Variants in SEMA6A observed in about 807,000 individuals in gnomAD.
The protein encoded by SEMA6A is semaphorin 6A.
Under a neutral mutation model 96.8 loss-of-function variants are expected in SEMA6A, and 25 were observed. That is an observed-to-expected ratio of 0.26 (90% CI 0.19 to 0.36). The LOEUF (loss-of-function observed/expected upper bound fraction) is 0.36, where lower values mean the gene tolerates loss of function less well. Among genes scored for constraint, SEMA6A ranks in the 10% least tolerant of loss-of-function variants. The pLI, the probability that SEMA6A is intolerant of heterozygous loss-of-function variation, is 1.00. For synonymous variants in SEMA6A, 612 were observed against 518.0 expected (o/e 1.18, Z -2.46); for missense variants, 1,363 against 1,323.1 (o/e 1.03, Z -0.47).
chr5:116,454,694 CATA>C (rs1442872457), intron 18 of SEMA6A, among the ~76,000 whole-genome samples: 7 of 152,100 alleles, frequency 4.6e-5, no homozygotes, highest in African/African-American at 1.7e-4. Context: ...TGTCTTACGG[CATA>C]ATGTGAACCA....
At position 116,496,746 on chromosome 5, in the gene SEMA6A, A is replaced by G. The variant is rs960196003; in HGVS notation, c.280-433T>C. On this transcript the variant is annotated intron_variant, in intron 4 of 18. Coordinates refer to ENST00000343348, the MANE Select transcript of SEMA6A (RefSeq NM_020796.5). ...AGTCATTTTCTTAAACATAAAGAGG[A>G]CATTCACTCTAGGTGGACAAAGATT... Among the ~76,000 whole-genome samples the G allele has an allele frequency of 1.2e-4, 18 of 152,216 alleles. 1 individual carries two copies. The highest frequency in any genetic ancestry group is 4.1e-4 in the African/African-American group (17 of 41,454).
intron 1 of SEMA6A, among the ~76,000 whole-genome samples, chr5:116,533,904 C>T (rs1290409031): frequency 6.6e-6 from 1 of 152,150 alleles, no homozygotes; most frequent in Non-Finnish European, 1.5e-5. Flanking sequence ...TCTCCAGCCT[C>T]CACAAGGCAG....
chr5:116,518,967 T>G (rs1758796875), intron 1 of SEMA6A, among the ~76,000 whole-genome samples: 1 of 152,028 alleles, frequency 6.6e-6, no homozygotes, highest in Non-Finnish European at 1.5e-5. Flanking sequence ...ATTTTCCTAC[T>G]GGGTTAACAT....
chr5:116,552,250 A>ATT lies in SEMA6A; in HGVS notation c.-39+21933_-39+21934dup, dbSNP rs11379947. On this transcript the variant is annotated intron_variant, in intron 1 of 18. Coordinates refer to ENST00000343348, the MANE Select transcript of SEMA6A (RefSeq NM_020796.5). ...TTAAAAAAGGATTTTGTAGTCAATC[A>ATT]TTTTTTTTCAGTATGTTTTAGCGTG... Among the ~76,000 whole-genome samples the ATT allele has an allele frequency of 2.9e-4, 44 of 151,934 alleles. No homozygotes were observed. In the East Asian group the frequency reaches 5.6e-3, roughly 19 times the overall value.
intron 1 of SEMA6A, among the ~76,000 whole-genome samples, chr5:116,515,013 A>G (rs1287644841): frequency 6.6e-6 from 1 of 152,246 alleles, no homozygotes; most frequent in African/African-American, 2.4e-5. Context: ...TTGCAGAGGC[A>G]TGTAAGGTGG....
At chr5:116,455,261 T>C (rs1754938629) in intron 18 of SEMA6A, among the ~76,000 whole-genome samples, 1 of 152,188 alleles carries the variant, frequency 6.6e-6, no homozygotes, top group Non-Finnish European at 1.5e-5. Context: ...CACGGGCTGA[T>C]GTCTAGACTA....
At chr5:116,481,239 A>G (rs906275613) in intron 11 of SEMA6A, among the ~76,000 whole-genome samples, 1 of 152,188 alleles carries the variant, frequency 6.6e-6, no homozygotes, top group Non-Finnish European at 1.5e-5. Flanking sequence ...CCATCTTTAC[A>G]TACCAAGGAG....
At chr5:116,509,701 C>T (rs1758320534) in intron 1 of SEMA6A, among the ~76,000 whole-genome samples, 1 of 151,928 alleles carries the variant, frequency 6.6e-6, no homozygotes, top group Admixed American at 6.6e-5. Flanking sequence ...AGGAACATCA[C>T]CTGGAGAGAT....
intron 18 of SEMA6A, among the ~76,000 whole-genome samples, chr5:116,463,327 A>G (rs892785546): frequency 1.3e-5 from 2 of 152,190 alleles, no homozygotes; most frequent in Non-Finnish European, 2.9e-5. Context: ...GGTGCTACTC[A>G]TCTCCCTCGG....
At chr5:116,479,979 A>C (rs1756668577) in intron 12 of SEMA6A, 143 bp downstream of exon 12, 4 of 920,888 alleles carry the variant, frequency 4.3e-6, no homozygotes, top group African/African-American at 1.7e-5. Flanking sequence ...GTATCCAACC[A>C]ATCGGCCACC....
At chr5:116,513,348 A>G (rs1758507794) in intron 1 of SEMA6A, among the ~76,000 whole-genome samples, 1 of 152,012 alleles carries the variant, frequency 6.6e-6, no homozygotes, top group Non-Finnish European at 1.5e-5. Context: ...GCTGGTCTCA[A>G]ACTCCCAACC....
Position 116,447,387 on chromosome 5 carries a change from G to C in SEMA6A, c.2319C>G (p.Gly773=), listed in dbSNP as rs1194846425. The change falls in exon 19 of 19, where the codon GGC becomes GGG. Residue 773 remains glycine (G), a synonymous_variant. Coordinates refer to ENST00000343348, the MANE Select transcript of SEMA6A (RefSeq NM_020796.5). ...TLQQKRKPSR[G]SREWERNQNL... is the part of the protein sequence containing the mutation. The stretch of plus-strand genomic sequence containing the variant: ...TCTGGTTCCTCTCCCACTCGCGGCT[G>C]CCGCGGCTGGGCTTCCGCTTCTGCT... 1 of 1,613,910 alleles carries C rather than the reference G, an allele frequency of 6.2e-7. No homozygotes were observed. The highest frequency in any genetic ancestry group is 8.5e-7 in the Non-Finnish European group (1 of 1,179,910).
At chr5:116,571,567 A>C (rs1182372739) in intron 1 of SEMA6A, among the ~76,000 whole-genome samples, 1 of 152,198 alleles carries the variant, frequency 6.6e-6, no homozygotes, top group African/African-American at 2.4e-5. Context: ...AGAACGTCCC[A>C]AAACCAAAAT....
chr5:116,537,735 A>G (rs1759781149), intron 1 of SEMA6A, among the ~76,000 whole-genome samples: 1 of 152,174 alleles, frequency 6.6e-6, no homozygotes, highest in Non-Finnish European at 1.5e-5. Context: ...AGAAATTTCA[A>G]TACATTTAGA....
At chr5:116,520,759 T>C (rs1452526483) in intron 1 of SEMA6A, among the ~76,000 whole-genome samples, 2 of 152,088 alleles carry the variant, frequency 1.3e-5, no homozygotes, top group Non-Finnish European at 2.9e-5. Flanking sequence ...CTCCAGGAAT[T>C]TAGACGCAGG....
rs550720847 is a variant in SEMA6A, at chr5:116,463,111, C to T, written c.1894+4472G>A. On this transcript the variant is annotated intron_variant, in intron 18 of 18. Coordinates refer to ENST00000343348, the MANE Select transcript of SEMA6A (RefSeq NM_020796.5). ...TTGGAAGACAAAGCCCCAGTGTAAACCCTATTCTCTCTTTGTCAAAAAGAG... is the reference window on the plus strand; with the variant it reads ...TTGGAAGACAAAGCCCCAGTGTAAATCCTATTCTCTCTTTGTCAAAAAGAG... Among the ~76,000 whole-genome samples the T allele has an allele frequency of 2.2e-3, 329 of 152,266 alleles. 4 individuals carry two copies. The highest frequency in any genetic ancestry group is 7.6e-3 in the African/African-American group (317 of 41,554).
intron 1 of SEMA6A, among the ~76,000 whole-genome samples, chr5:116,553,028 G>T (rs571850601): frequency 2.0e-5 from 3 of 152,108 alleles, no homozygotes; most frequent in Non-Finnish European, 4.4e-5. Context: ...GTCACCAAAG[G>T]ACACTTCTCC....
intron 1 of SEMA6A, among the ~76,000 whole-genome samples, chr5:116,512,897 G>T (rs933423990): frequency 6.6e-6 from 1 of 152,146 alleles, no homozygotes; most frequent in African/African-American, 2.4e-5. Context: ...TCTCAACCAG[G>T]CTTACCTGTG....
rs1235392710 is a variant in SEMA6A at position 116,447,609 on chromosome 5, C to T, written c.2097G>A (p.Met699Ile). ...KELTHSRRGS[M>I]SSVTKLSGLF... is the part of the protein sequence containing the mutation. ...GGCCGCTGAGCTTGGTGACGCTGCTCATGGAGCCCCGGCGCGAGTGGGTGA... is the reference window on the plus strand; with the variant it reads ...GGCCGCTGAGCTTGGTGACGCTGCTTATGGAGCCCCGGCGCGAGTGGGTGA... The change falls in exon 19 of 19, where the codon ATG becomes ATA. Residue 699 changes from methionine to isoleucine, a missense_variant. By Grantham distance (10) the Met-to-Ile change is conservative. Transcript: ENST00000343348. The T allele has an allele frequency of 1.2e-6, 2 of 1,614,014 alleles. No individual in the cohort carries two copies. The highest frequency in any genetic ancestry group is 1.7e-5 in the Admixed American group (1 of 60,028).
Sources: gnomAD v4.1 joint callset for allele counts (sites outside exome capture counted in the v4.1 genomes callset) on GRCh38, gnomAD v4.1.1 for gene constraint, MANE v1.5 for transcripts, NCBI Gene and HGNC (gene_info 2026-07-23, HGNC 2026-07-21) for gene names.